PTPRJ: variants seen among roughly 807,000 people sequenced by gnomAD.
PTPRJ encodes the protein receptor-type tyrosine-protein phosphatase eta.
In PTPRJ, 129 loss-of-function variants were observed where a neutral mutation model predicts 141.3. The ratio of observed to expected loss-of-function variants is 0.91; its 90% CI spans 0.79 to 1.06. PTPRJ has a LOEUF of 1.06. Ranked by LOEUF, PTPRJ falls within the 50% of genes least tolerant of loss-of-function variation. The pLI, the probability that PTPRJ is intolerant of heterozygous loss-of-function variation, is 0.00. For synonymous variants in PTPRJ, 610 were observed against 640.5 expected, an observed-to-expected ratio of 0.95 and a Z score of 0.72; for missense variants, 1,601 against 1,679.7, an observed-to-expected ratio of 0.95 and a Z score of 0.82.
intron 1 of PTPRJ, among the ~76,000 whole-genome samples, chr11:48,061,020 G>T (rs970476968): frequency 3.9e-5 from 6 of 152,150 alleles, no homozygotes; most frequent in Admixed American, 2.6e-4. Flanking sequence ...TTTTTTTGGA[G>T]ACGGAGTTTT....
At chr11:48,007,257 C>T (rs1487643042) in intron 1 of PTPRJ, among the ~76,000 whole-genome samples, 26 of 144,766 alleles carry the variant, frequency 1.8e-4, no homozygotes, top group East Asian at 7.8e-4. Flanking sequence ...CCTGCCACCA[C>T]GCCCGGCTAA....
chr11:48,139,510 A>G lies in PTPRJ; in HGVS notation c.2177A>G (p.Asp726Gly). Residue 726 changes from aspartate (D) to glycine (G), a missense_variant, in exon 11 of 25, where the codon GAC (aspartate) becomes GGC (glycine). Asp to Gly is a moderately conservative substitution (Grantham distance 94). Coordinates refer to ENST00000418331, the MANE Select transcript of PTPRJ (RefSeq NM_002843.4). ...CTDPASMASFDCEVVPKEPAL... is the reference protein window; with the variant it reads ...CTDPASMASFGCEVVPKEPAL... ...GATCCTGCGTCCATGGCCTCCTTCG[A>G]CTGCGAAGTGGTCCCCAAAGAGCCA... is the stretch of plus-strand genomic sequence containing the variant. 1 of 1,614,018 alleles carries G rather than the reference A, an allele frequency of 6.2e-7. No homozygotes were observed. The highest frequency in any genetic ancestry group is 8.5e-7 in the Non-Finnish European group (1 of 1,179,900).
intron 1 of PTPRJ, among the ~76,000 whole-genome samples, chr11:48,044,384 G>A (rs139491788): frequency 6.6e-6 from 1 of 152,220 alleles, no homozygotes; most frequent in Admixed American, 6.5e-5. Flanking sequence ...GGCAGGTGGC[G>A]AGGGCCTAAG....
At chr11:48,095,692 T>C (rs1000485435) in intron 1 of PTPRJ, among the ~76,000 whole-genome samples, 4 of 151,902 alleles carry the variant, frequency 2.6e-5, no homozygotes, top group Non-Finnish European at 5.9e-5. Flanking sequence ...TGATTTCTCC[T>C]GCCTCAGCCT....
chr11:48,054,158 A>T (rs1319910083), intron 1 of PTPRJ, among the ~76,000 whole-genome samples: 1 of 151,904 alleles, frequency 6.6e-6, no homozygotes, highest in Non-Finnish European at 1.5e-5. Context: ...GGTCTTGAAC[A>T]CCTGACCTCA....
intron 1 of PTPRJ, among the ~76,000 whole-genome samples, chr11:48,043,648 C>G (rs1471351752): frequency 3.3e-5 from 5 of 152,170 alleles, no homozygotes; most frequent in Admixed American, 2.6e-4. Context: ...TGTTCCTTCT[C>G]TGCCCTGAGT....
intron 1 of PTPRJ, among the ~76,000 whole-genome samples, chr11:47,994,995 G>A (rs915705850): frequency 6.6e-6 from 1 of 152,138 alleles, no homozygotes; most frequent in South Asian, 2.1e-4. Context: ...ACAATATATT[G>A]CAAACGTTTC....
chr11:48,157,376 C>T (rs989732515), intron 21 of PTPRJ, among the ~76,000 whole-genome samples: 1 of 152,146 alleles, frequency 6.6e-6, no homozygotes, highest in Non-Finnish European at 1.5e-5. Context: ...AATGCTGTGC[C>T]TTAGGAATGG....
At chr11:48,153,271 AC>A (rs56879256) in intron 18 of PTPRJ, among the ~76,000 whole-genome samples, 66,444 of 151,758 alleles carry the variant, frequency 0.44, 17,458 homozygotes, top group Non-Finnish European at 0.57. Flanking sequence ...ATGGTGGCTC[AC>A]GCCTGTAATC....
intron 1 of PTPRJ, among the ~76,000 whole-genome samples, chr11:47,994,603 C>A (rs1466700992): frequency 6.6e-6 from 1 of 151,880 alleles, no homozygotes; most frequent in East Asian, 1.9e-4. Flanking sequence ...GTCCTGGAGG[C>A]GGAGTGAGCC....
chr11:48,046,919 T>A (rs1382211478), intron 1 of PTPRJ, among the ~76,000 whole-genome samples: 15 of 129,758 alleles, frequency 1.2e-4, no homozygotes, highest in South Asian at 2.3e-4. Flanking sequence ...TATATTTTTT[T>A]TTTTTTTTTT....
chr11:48,020,699 G>C (rs1490216849), intron 1 of PTPRJ, among the ~76,000 whole-genome samples: 1 of 152,214 alleles, frequency 6.6e-6, no homozygotes, highest in African/African-American at 2.4e-5. Context: ...ACAGTTGCCA[G>C]CTTCCAGCAT....
intron 8 of PTPRJ, among the ~76,000 whole-genome samples, chr11:48,134,543 A>G (rs1169678179): frequency 6.6e-6 from 1 of 152,234 alleles, no homozygotes; most frequent in Non-Finnish European, 1.5e-5. Flanking sequence ...AAATTAAAAA[A>G]AAAATTAATT....
At chr11:48,041,019 C>G (rs1330293860) in intron 1 of PTPRJ, among the ~76,000 whole-genome samples, 2 of 152,144 alleles carry the variant, frequency 1.3e-5, no homozygotes, top group African/African-American at 2.4e-5. Context: ...CTGTGTCACC[C>G]TCCTGCTCCT....
chr11:48,090,917 T>G (rs1855853419), intron 1 of PTPRJ, among the ~76,000 whole-genome samples: 1 of 152,104 alleles, frequency 6.6e-6, no homozygotes, highest in African/African-American at 2.4e-5. Context: ...TGTCAAGCAC[T>G]GTGGGAAAGG....
At chr11:48,146,492 C>T (rs915990039) in intron 14 of PTPRJ, among the ~76,000 whole-genome samples, 20 of 152,200 alleles carry the variant, frequency 1.3e-4, no homozygotes, top group African/African-American at 4.3e-4. Context: ...AGCATGGATG[C>T]TGCTGTAGGT....
intron 6 of PTPRJ, among the ~76,000 whole-genome samples, chr11:48,125,659 C>T (rs1048005965): frequency 6.6e-6 from 1 of 152,208 alleles, no homozygotes; most frequent in South Asian, 2.1e-4. Context: ...TTTATCAGCA[C>T]TTTCACTCTG....
intron 8 of PTPRJ, chr11:48,131,650 G>A: frequency 1.5e-6 from 1 of 676,476 alleles, no homozygotes; most frequent in Non-Finnish European, 2.7e-6. Context: ...ATTTGCTTAT[G>A]TACTGTCTAT....
chr11:48,093,428 G>A (rs1188802996), intron 1 of PTPRJ, among the ~76,000 whole-genome samples: 1 of 152,170 alleles, frequency 6.6e-6, no homozygotes, highest in African/African-American at 2.4e-5. Context: ...GACCATCCAT[G>A]TGCTGCTTTT....
Sources: allele counts gnomAD v4.1 joint callset (sites outside exome capture counted in the v4.1 genomes callset), GRCh38; gene constraint gnomAD v4.1.1; transcripts MANE v1.5; gene names NCBI Gene and HGNC (gene_info 2026-07-23, HGNC 2026-07-21).